Variants in MFHAS1 observed in about 807,000 individuals in gnomAD.
MFHAS1 encodes the protein multifunctional ROCO family signaling regulator 1.
A neutral mutation model predicts 70.4 loss-of-function variants in MFHAS1; 50 were observed. The ratio of observed to expected loss-of-function variants is 0.71; its 90% CI spans 0.57 to 0.90. MFHAS1 has a LOEUF of 0.90. Among genes scored for constraint, MFHAS1 ranks in the 40% least tolerant of loss-of-function variants. MFHAS1 has a pLI of 0.00. For missense variants in MFHAS1, 1,795 were observed against 1,347.6 expected (o/e 1.33, Z -5.20); for synonymous variants, 952 against 620.0 (o/e 1.54, Z -7.96).
chr8:8,809,233 T>C (rs909131082), intron 1 of MFHAS1, among the ~76,000 whole-genome samples: 3 of 152,128 alleles, frequency 2.0e-5, no homozygotes, highest in Non-Finnish European at 4.4e-5. Flanking sequence ...TCTATTACAA[T>C]GTAATAATAG....
At chr8:8,828,077 G>C (rs909149865) in intron 1 of MFHAS1, among the ~76,000 whole-genome samples, 1 of 152,060 alleles carries the variant, frequency 6.6e-6, no homozygotes, top group Non-Finnish European at 1.5e-5. Context: ...CAATCTGGAG[G>C]CACAGTGTGA....
chr8:8,833,895 G>A (rs541193142), intron 1 of MFHAS1, among the ~76,000 whole-genome samples: 251 of 152,246 alleles, frequency 1.6e-3, no homozygotes, highest in African/African-American at 5.7e-3. Flanking sequence ...GGAAGCTGAG[G>A]TGGGCGGATC....
intron 1 of MFHAS1, among the ~76,000 whole-genome samples, chr8:8,828,927 TCTGTCA>T (rs1293177872): frequency 6.6e-6 from 1 of 152,160 alleles, no homozygotes; most frequent in Non-Finnish European, 1.5e-5. Flanking sequence ...TAGATCAGGC[TCTGTCA>T]ATCTGCTAAG....
chr8:8,883,707 C>CAAAAAA (rs35799658), intron 1 of MFHAS1, among the ~76,000 whole-genome samples: 635 of 29,492 alleles, frequency 0.022, 52 homozygotes, highest in East Asian at 0.066. Flanking sequence ...GACTCAGTCT[C>CAAAAAA]AAAAAAAAAA....
chr8:8,838,028 C>T (rs561861878), intron 1 of MFHAS1, among the ~76,000 whole-genome samples: 103 of 152,344 alleles, frequency 6.8e-4, no homozygotes, highest in African/African-American at 2.3e-3. Context: ...TGGAAACAGC[C>T]TCTATGTCTA....
chr8:8,878,287 G>T (rs941298199), intron 1 of MFHAS1, among the ~76,000 whole-genome samples: 1 of 152,070 alleles, frequency 6.6e-6, no homozygotes, highest in Non-Finnish European at 1.5e-5. Flanking sequence ...CAGAGGTTTG[G>T]GGCTGATATC....
At chr8:8,817,391 T>C (rs1431711795) in intron 1 of MFHAS1, among the ~76,000 whole-genome samples, 2 of 152,238 alleles carry the variant, frequency 1.3e-5, no homozygotes, top group East Asian at 3.8e-4. Flanking sequence ...AAATAAAAAG[T>C]ATGGGCAGTT....
chr8:8,785,920 C>G lies in MFHAS1; in HGVS notation c.*102G>C. The G allele has an allele frequency of 9.0e-7, 1 of 1,109,060 alleles. No individual in the cohort carries two copies. Among genetic ancestry groups the G allele is most frequent in the Admixed American group, 1.9e-5 (1 of 53,718 alleles). 68.7% of individuals were successfully genotyped at this position (1,109,060 alleles called of 1,614,324 possible). Reference sequence around the variant, plus strand: ...AAGCACGCGTTGTCACTCAAGTTCACAGAACACGCTGGGGTGAGTGCAGAG... The same window carrying G: ...AAGCACGCGTTGTCACTCAAGTTCAGAGAACACGCTGGGGTGAGTGCAGAG... On this transcript the variant is annotated 3_prime_UTR_variant, in exon 3 of 3. Coordinates refer to ENST00000276282, the MANE Select transcript of MFHAS1 (RefSeq NM_004225.3).
chr8:8,840,267 G>C (rs1283785728), intron 1 of MFHAS1, among the ~76,000 whole-genome samples: 1 of 152,094 alleles, frequency 6.6e-6, no homozygotes, highest in Non-Finnish European at 1.5e-5. Context: ...GGCTAGCCTG[G>C]CCAACATGGC....
chr8:8,867,960 G>A (rs192339032), intron 1 of MFHAS1, among the ~76,000 whole-genome samples: 106 of 152,194 alleles, frequency 7.0e-4, no homozygotes, highest in Middle Eastern at 3.4e-3. Flanking sequence ...GTTTCCTACC[G>A]CTAATAAATG....
chr8:8,807,141 C>G (rs1220756007), intron 1 of MFHAS1, among the ~76,000 whole-genome samples: 1 of 152,106 alleles, frequency 6.6e-6, no homozygotes, highest in Non-Finnish European at 1.5e-5. Flanking sequence ...TCCCTCTAAC[C>G]TTGTCTTGTG....
intron 1 of MFHAS1, among the ~76,000 whole-genome samples, chr8:8,862,498 A>C (rs1229795371): frequency 6.6e-6 from 1 of 151,978 alleles, no homozygotes; most frequent in Admixed American, 6.6e-5. Flanking sequence ...AATTTAGATT[A>C]AGTTAAAAAA....
At position 8,853,249 on chromosome 8, in the gene MFHAS1, T is replaced by C. The variant is rs117543652; in HGVS notation, c.2998+36812A>G. ...TGGAGGCTTAAAATACCCCATTTTGTCACAGTTTGCTCGGAAGCTACTCCC... is the reference window on the plus strand; with the variant it reads ...TGGAGGCTTAAAATACCCCATTTTGCCACAGTTTGCTCGGAAGCTACTCCC... On this transcript the variant is annotated intron_variant, in intron 1 of 2. Transcript: ENST00000276282. 7.2e-5 allele frequency among the ~76,000 whole-genome samples: 11 copies of C among 152,100 alleles called. No homozygotes were observed. In the East Asian group the frequency reaches 1.9e-3, roughly 27 times the overall value.
In MFHAS1 at chr8:8,799,199, T is replaced by C. The variant is rs534334504; in HGVS notation, c.2999-1708A>G. On this transcript the variant is annotated intron_variant, in intron 1 of 2. Transcript: ENST00000276282. Reference sequence around the variant, plus strand: ...ACTATACAGACTATGTTTTTGCCTATAAGTAGATACCTATGATAAAGTTTA... The same window carrying C: ...ACTATACAGACTATGTTTTTGCCTACAAGTAGATACCTATGATAAAGTTTA... Among the ~76,000 whole-genome samples the C allele has an allele frequency of 5.9e-5, 9 of 152,304 alleles. No individual in the cohort carries two copies. In the East Asian group the frequency reaches 1.7e-3, roughly 29 times the overall value.
At chr8:8,794,435 G>C (rs974156229) in intron 2 of MFHAS1, among the ~76,000 whole-genome samples, 1 of 152,152 alleles carries the variant, frequency 6.6e-6, no homozygotes, top group Non-Finnish European at 1.5e-5. Context: ...CTTCCCCGGA[G>C]CCTGGCCCGG....
intron 1 of MFHAS1, among the ~76,000 whole-genome samples, chr8:8,870,779 C>CT (rs2116908321): frequency 6.6e-6 from 1 of 152,364 alleles, no homozygotes; most frequent in Admixed American, 6.5e-5. Context: ...TGGACTGCAG[C>CT]TTCCCGGGGT....
At chr8:8,825,555 C>T (rs1807126622) in intron 1 of MFHAS1, among the ~76,000 whole-genome samples, 1 of 152,110 alleles carries the variant, frequency 6.6e-6, no homozygotes. Flanking sequence ...TCTTCTGAGG[C>T]CTCTCTCCTC....
At chr8:8,868,964 G>GA (rs1563212649) in intron 1 of MFHAS1, among the ~76,000 whole-genome samples, 1 of 152,178 alleles carries the variant, frequency 6.6e-6, no homozygotes, top group African/African-American at 2.4e-5. Flanking sequence ...AAGTCAGTGA[G>GA]AAAAAAGATT....
chr8:8,817,780 G>A (rs893962603), intron 1 of MFHAS1, among the ~76,000 whole-genome samples: 4 of 152,192 alleles, frequency 2.6e-5, no homozygotes, highest in Admixed American at 6.5e-5. Flanking sequence ...AGGAGTGCAC[G>A]GATCCCTAGC....
Sources: gnomAD v4.1 joint callset for allele counts (sites outside exome capture counted in the v4.1 genomes callset) on GRCh38, gnomAD v4.1.1 for gene constraint, MANE v1.5 for transcripts, NCBI Gene and HGNC (gene_info 2026-07-23, HGNC 2026-07-21) for gene names.